The following RALYL variants were observed in gnomAD, a reference collection of about 807,000 sequenced individuals.
RALYL encodes RALY RNA binding protein like.
In RALYL, 29 loss-of-function variants were observed where a neutral mutation model predicts 35.1. That is an observed-to-expected ratio of 0.83 (90% CI 0.61 to 1.13). The LOEUF is 1.13. RALYL is among the 50% of genes most tolerant of loss of function. The pLI, the probability that RALYL is intolerant of heterozygous loss-of-function variation, is 0.00. For missense variants in RALYL, 359 were observed against 360.4 expected, an observed-to-expected ratio of 1.00 and a Z score of 0.03; for synonymous variants, 120 against 127.6, an observed-to-expected ratio of 0.94 and a Z score of 0.40.
At chr8:84,324,636 T>A (rs1386696500) in intron 1 of RALYL, among the ~76,000 whole-genome samples, 4 of 151,890 alleles carry the variant, frequency 2.6e-5, no homozygotes, top group Non-Finnish European at 5.9e-5. Context: ...TTTTAAAAAA[T>A]TAATTTCTGG....
chr8:84,750,850 A>T (rs1195353241), intron 2 of RALYL, among the ~76,000 whole-genome samples: 2 of 152,126 alleles, frequency 1.3e-5, no homozygotes, highest in East Asian at 3.9e-4. Flanking sequence ...TGGACTTCTC[A>T]GCCTCCATAA....
chr8:84,269,356 G>C (rs1833883181), intron 1 of RALYL, among the ~76,000 whole-genome samples: 1 of 152,196 alleles, frequency 6.6e-6, no homozygotes, highest in Non-Finnish European at 1.5e-5. Flanking sequence ...CTTAGTGGGA[G>C]TGATTGACAA....
At chr8:84,293,880 A>G (rs1253819141) in intron 1 of RALYL, among the ~76,000 whole-genome samples, 3 of 151,940 alleles carry the variant, frequency 2.0e-5, no homozygotes, top group African/African-American at 7.3e-5. Flanking sequence ...TTGTTTCTCC[A>G]CATTTTCTTA....
In RALYL at chr8:84,796,843, C is replaced by A. The variant is rs369897285; in HGVS notation, c.333-7927C>A. On this transcript the variant is annotated intron_variant, in intron 3 of 8. Coordinates refer to ENST00000521268, the MANE Select transcript of RALYL (RefSeq NM_173848.7). ...AGGAATAACTTAAAATAGCCTGGGC[C>A]ACCATCATACCCAGTGTGGGGCCAG... is the stretch of plus-strand genomic sequence containing the variant. 3.3e-5 allele frequency among the ~76,000 whole-genome samples: 5 copies of A among 152,248 alleles called. No homozygotes were observed. The South Asian group carries it at 1.0e-3, about 32-fold the overall frequency.
chr8:84,448,092 C>A (rs901582789), intron 1 of RALYL, among the ~76,000 whole-genome samples: 1 of 151,802 alleles, frequency 6.6e-6, no homozygotes, highest in Non-Finnish European at 1.5e-5. Context: ...ACATGAGTGA[C>A]CAGGGAATAA....
At chr8:84,597,567 A>C (rs1814869313) in intron 2 of RALYL, among the ~76,000 whole-genome samples, 1 of 152,040 alleles carries the variant, frequency 6.6e-6, no homozygotes, top group South Asian at 2.1e-4. Context: ...ATTTCACCCT[A>C]ATGATGTATC....
chr8:84,822,802 C>A (rs1451614455), intron 4 of RALYL, among the ~76,000 whole-genome samples: 3 of 152,120 alleles, frequency 2.0e-5, no homozygotes, highest in African/African-American at 7.2e-5. Context: ...CGCCAAACTA[C>A]AAATCAGGGG....
chr8:84,578,003 T>G (rs1300243718), intron 2 of RALYL, among the ~76,000 whole-genome samples: 1 of 152,214 alleles, frequency 6.6e-6, no homozygotes, highest in Non-Finnish European at 1.5e-5. Flanking sequence ...CCTGAGTTTT[T>G]GCTTCGGCCC....
intron 2 of RALYL, among the ~76,000 whole-genome samples, chr8:84,642,795 A>G (rs1303407457): frequency 6.6e-6 from 1 of 152,062 alleles, no homozygotes; most frequent in Non-Finnish European, 1.5e-5. Flanking sequence ...AGAGAGGATG[A>G]AAGAGAAAGG....
intron 1 of RALYL, among the ~76,000 whole-genome samples, chr8:84,380,509 A>G (rs1245848930): frequency 2.0e-5 from 3 of 151,866 alleles, no homozygotes; most frequent in African/African-American, 7.2e-5. Context: ...CTATAAGAAT[A>G]ATGGCCAAAT....
At chr8:84,307,760 G>C (rs1049688290) in intron 1 of RALYL, among the ~76,000 whole-genome samples, 1 of 152,148 alleles carries the variant, frequency 6.6e-6, no homozygotes, top group Non-Finnish European at 1.5e-5. Context: ...ACTTTTCAAA[G>C]ATGCAGGGCA....
intron 1 of RALYL, among the ~76,000 whole-genome samples, chr8:84,345,795 C>A (rs1849731519): frequency 6.6e-6 from 1 of 152,088 alleles, no homozygotes; most frequent in Admixed American, 6.6e-5. Flanking sequence ...AGAAAGACTT[C>A]ATCCTACTCT....
At chr8:84,881,042 G>A (rs1038153180) in intron 7 of RALYL, among the ~76,000 whole-genome samples, 2 of 151,904 alleles carry the variant, frequency 1.3e-5, no homozygotes, top group African/African-American at 4.8e-5. Flanking sequence ...TTATATACCA[G>A]TAATTTTTAA....
intron 2 of RALYL, among the ~76,000 whole-genome samples, chr8:84,576,269 A>C (rs1183707126): frequency 6.6e-6 from 1 of 152,206 alleles, no homozygotes; most frequent in Non-Finnish European, 1.5e-5. Context: ...GAATATAAAC[A>C]AAAAAAGCAC....
chr8:84,857,823 G>T (rs143712225), intron 5 of RALYL, among the ~76,000 whole-genome samples: 1 of 152,070 alleles, frequency 6.6e-6, no homozygotes, highest in South Asian at 2.1e-4. Flanking sequence ...TTGTTCTGGG[G>T]TCTGAGACTT....
chr8:84,862,180 C>A, intron 5 of RALYL, 116 bp from the exon 6 acceptor site: 2 of 853,962 alleles, frequency 2.3e-6, no homozygotes, highest in Non-Finnish European at 3.3e-6. Context: ...AGAACAGCAG[C>A]AGAAAGAAAA....
chr8:84,518,188 C>T (rs1022605105), intron 1 of RALYL, among the ~76,000 whole-genome samples: 1 of 142,780 alleles, frequency 7.0e-6, no homozygotes, highest in African/African-American at 2.5e-5. Context: ...CATCTCCTTA[C>T]TATTATTTCT....
intron 1 of RALYL, among the ~76,000 whole-genome samples, chr8:84,373,028 C>G (rs531699028): frequency 1.3e-5 from 2 of 149,754 alleles, no homozygotes; most frequent in East Asian, 4.0e-4. Flanking sequence ...GCTTGTTAGC[C>G]TTATGTGTGT....
At chr8:84,370,434 CCA>C (rs34035078) in intron 1 of RALYL, among the ~76,000 whole-genome samples, 3,729 of 147,826 alleles carry the variant, frequency 0.025, 114 homozygotes, top group African/African-American at 0.071. Flanking sequence ...TTACATACAA[CCA>C]CACACACACA....
Sources: allele counts gnomAD v4.1 joint callset (sites outside exome capture counted in the v4.1 genomes callset), GRCh38; gene constraint gnomAD v4.1.1; transcripts MANE v1.5; gene names NCBI Gene and HGNC (gene_info 2026-07-23, HGNC 2026-07-21).